The following CHD6 variants were observed in gnomAD, a reference collection of about 807,000 sequenced individuals.
CHD6 encodes ATP-dependent chromatin remodeler CHD6.
CHD6 carries 50 observed loss-of-function variants against 276.9 expected under a neutral mutation model. The observed-to-expected ratio is 0.18, with a 90% CI of 0.14 to 0.23. The LOEUF (loss-of-function observed/expected upper bound fraction) is 0.23, where lower values mean the gene tolerates loss of function less well. Among genes scored for constraint, CHD6 ranks in the 10% least tolerant of loss-of-function variants. CHD6 has a pLI of 1.00. For synonymous variants in CHD6, 1,173 were observed against 1,229.3 expected (o/e 0.95, Z 0.96); for missense variants, 2,564 against 3,365.8 (o/e 0.76, Z 5.89).
At position 41,415,583 on chromosome 20, in the gene CHD6, T is replaced by C. The variant is rs1359864742; in HGVS notation, c.6542A>G (p.Tyr2181Cys). 6.2e-7 allele frequency: 1 copy of C among 1,612,464 alleles called. No homozygotes were observed. Among genetic ancestry groups the C allele is most frequent in the South Asian group, 1.1e-5 (1 of 90,786 alleles). Reference sequence around the variant, plus strand: ...TGCATCCCTCTCCACCTCAAACTCATAGGGACGCCTGTGCTTTTGTTCATC... The same window carrying C: ...TGCATCCCTCTCCACCTCAAACTCACAGGGACGCCTGTGCTTTTGTTCATC... ...TKDEQKHRRP[Y>C]EFEVERDAKA... Residue 2181 changes from tyrosine to cysteine, a missense_variant, in exon 34 of 37, where the codon TAT becomes TGT. Tyr to Cys is a radical substitution (Grantham distance 194). Coordinates refer to ENST00000373233, the MANE Select transcript of CHD6 (RefSeq NM_032221.5).
At chr20:41,551,214 A>G in intron 2 of CHD6, 91 bp downstream of exon 2, 3 of 824,636 alleles carry the variant, frequency 3.6e-6, no homozygotes, top group Non-Finnish European at 6.2e-6. Context: ...CCAGAGATTA[A>G]GGGATAAGCC....
intron 1 of CHD6, among the ~76,000 whole-genome samples, chr20:41,570,195 T>C (rs1405147854): frequency 6.6e-6 from 1 of 152,182 alleles, no homozygotes; most frequent in African/African-American, 2.4e-5. Flanking sequence ...CCCAGACTAA[T>C]AATAAAATGA....
chr20:41,483,344 G>A lies in CHD6; in HGVS notation c.2433C>T (p.Cys811=). 1 of 1,613,648 alleles carries A rather than the reference G, an allele frequency of 6.2e-7. No individual in the cohort carries two copies. The highest frequency in any genetic ancestry group is 1.1e-5 in the South Asian group (1 of 91,046). ...TGAGGTAATCTTCTAGGATGTCGAG[G>A]CAGCGCACCATCTGGGAGAAGATGA... The part of the protein sequence containing the change: ...KVLIFSQMVR[C]LDILEDYLIQ... The change falls in exon 16 of 37, where the codon TGC becomes TGT. Residue 811 remains cysteine (C), a synonymous_variant. Coordinates refer to ENST00000373233, the MANE Select transcript of CHD6 (RefSeq NM_032221.5).
chr20:41,567,800 GAC>G (rs1279482272), intron 1 of CHD6, among the ~76,000 whole-genome samples: 5 of 152,112 alleles, frequency 3.3e-5, no homozygotes, highest in African/African-American at 1.2e-4. Flanking sequence ...CAGACAAAAT[GAC>G]CTTGCTGGAT....
chr20:41,435,833 GTATC>G (rs753334678), intron 27 of CHD6, among the ~76,000 whole-genome samples: 61 of 152,228 alleles, frequency 4.0e-4, no homozygotes, highest in Non-Finnish European at 6.2e-4. Flanking sequence ...AAAGTGGGAG[GTATC>G]TATCTATCAA....
At chr20:41,598,651 A>G (rs1032969865) in intron 1 of CHD6, among the ~76,000 whole-genome samples, 32 of 152,140 alleles carry the variant, frequency 2.1e-4, no homozygotes, top group African/African-American at 6.3e-4. Flanking sequence ...TCAGCCCCCA[A>G]GGGCCATCTG....
chr20:41,513,384 A>T (rs1454222841), intron 4 of CHD6, among the ~76,000 whole-genome samples: 1 of 152,236 alleles, frequency 6.6e-6, no homozygotes, highest in African/African-American at 2.4e-5. Flanking sequence ...TGGTGGAAGC[A>T]CAGATTTTAT....
intron 3 of CHD6, among the ~76,000 whole-genome samples, chr20:41,524,751 T>C (rs1433995838): frequency 6.6e-6 from 1 of 152,200 alleles, no homozygotes; most frequent in Non-Finnish European, 1.5e-5. Flanking sequence ...TTGCTGTCCC[T>C]ACTCAGTATT....
At chr20:41,475,810 G>C (rs1376511921) in intron 16 of CHD6, among the ~76,000 whole-genome samples, 4 of 152,148 alleles carry the variant, frequency 2.6e-5, no homozygotes, top group African/African-American at 9.7e-5. Context: ...CAGCCTTAAG[G>C]GGGAGGGGAA....
intron 17 of CHD6, chr20:41,459,339 T>A (rs1184318933): frequency 6.6e-6 from 1 of 152,404 alleles, no homozygotes; most frequent in African/African-American, 2.4e-5. Context: ...AAAGCAGGGC[T>A]AAAGGAGGGT....
chr20:41,562,024 T>G (rs995255199), intron 1 of CHD6, among the ~76,000 whole-genome samples: 4 of 152,126 alleles, frequency 2.6e-5, no homozygotes, highest in African/African-American at 9.7e-5. Context: ...CCCTCCCTAT[T>G]GTTTTCTTTT....
chr20:41,601,939 T>C (rs2045777418), intron 1 of CHD6, among the ~76,000 whole-genome samples: 1 of 152,146 alleles, frequency 6.6e-6, no homozygotes, highest in African/African-American at 2.4e-5. Flanking sequence ...TCTCTGAGCC[T>C]CTCCACCCTG....
At chr20:41,512,203 G>C (rs1376395550) in intron 5 of CHD6, among the ~76,000 whole-genome samples, 3 of 151,586 alleles carry the variant, frequency 2.0e-5, no homozygotes, top group African/African-American at 4.9e-5. Context: ...GGCCTCAAGT[G>C]ATCTGCCTGC....
Position 41,451,055 on chromosome 20 carries a change from G to T in CHD6, c.3574C>A (p.Gln1192Lys), listed in dbSNP as rs1483979748. The T allele has an allele frequency of 6.2e-7, 1 of 1,613,966 alleles. No individual in the cohort carries two copies. The highest frequency in any genetic ancestry group is 8.5e-7 in the Non-Finnish European group (1 of 1,179,838). The part of the protein sequence containing the change: ...RGRKGKKTKN[Q>K]LLIPELKDAD... ...TCCTTTAGCTCTGGGATTAGCAACT[G>T]GTTCTTCGTCTTCTTCCCCTTCCTC... The change falls in exon 23 of 37, where the codon CAG becomes AAG. Residue 1192 changes from glutamine to lysine, a missense_variant. Gln to Lys is a moderately conservative substitution (Grantham distance 53). Transcript: ENST00000373233.
chr20:41,569,318 C>T (rs1451189904), intron 1 of CHD6, among the ~76,000 whole-genome samples: 2 of 150,308 alleles, frequency 1.3e-5, no homozygotes, highest in African/African-American at 2.5e-5. Flanking sequence ...TCTGTTAACA[C>T]CATCTACACC....
intron 5 of CHD6, among the ~76,000 whole-genome samples, chr20:41,503,197 T>G (rs964757663): frequency 2.6e-5 from 4 of 152,224 alleles, no homozygotes; most frequent in Non-Finnish European, 5.9e-5. Context: ...CCTGATGTTA[T>G]GTCGCTAGTT....
intron 1 of CHD6, among the ~76,000 whole-genome samples, chr20:41,613,319 A>G (rs1476071537): frequency 2.6e-5 from 4 of 152,238 alleles, no homozygotes; most frequent in Non-Finnish European, 4.4e-5. Flanking sequence ...AGAATTAGTA[A>G]GAAGCAGTAT....
chr20:41,601,629 AG>A (rs2045774430), intron 1 of CHD6, among the ~76,000 whole-genome samples: 2 of 152,210 alleles, frequency 1.3e-5, no homozygotes, highest in African/African-American at 4.8e-5. Context: ...GCTTCAAGGC[AG>A]GATCTTCAAT....
chr20:41,496,497 C>G (rs1203748233), intron 8 of CHD6, among the ~76,000 whole-genome samples: 1 of 152,080 alleles, frequency 6.6e-6, no homozygotes, highest in Admixed American at 6.6e-5. Context: ...CTTTAGCTAC[C>G]TCATAAAGCA....
Sources: allele counts gnomAD v4.1 joint callset (sites outside exome capture counted in the v4.1 genomes callset), GRCh38; gene constraint gnomAD v4.1.1; transcripts MANE v1.5; gene names NCBI Gene and HGNC (gene_info 2026-07-23, HGNC 2026-07-21).